Variants in RIMS2 observed in about 807,000 individuals in gnomAD.
The protein encoded by RIMS2 is regulating synaptic membrane exocytosis 2.
Under a neutral mutation model 174.4 loss-of-function variants are expected in RIMS2, and 59 were observed. That is an observed-to-expected ratio of 0.34 (90% confidence interval 0.27 to 0.42). The LOEUF (loss-of-function observed/expected upper bound fraction) is 0.42. RIMS2 is among the 10% of genes least tolerant of loss of function. The pLI is 1.00. For synonymous variants in RIMS2, 606 were observed against 572.5 expected (o/e 1.06, Z -0.84); for missense variants, 1,620 against 1,666.3 (o/e 0.97, Z 0.48).
chr8:103,652,654 GGTAAATAACGTTC>G (rs2096473036), intron 1 of RIMS2: 1 of 1,350,444 alleles, frequency 7.4e-7, no homozygotes, highest in Non-Finnish European at 9.8e-7. Context: ...TCACTGAACT[GGTAAATAACGTTC>G]TTCAGCCCCA....
chr8:103,857,361 A>T (rs757222469), intron 3 of RIMS2, among the ~76,000 whole-genome samples: 8 of 152,148 alleles, frequency 5.3e-5, no homozygotes, highest in Non-Finnish European at 8.8e-5. Context: ...TGTAATGCTC[A>T]CTTGTTTTTA....
intron 1 of RIMS2, among the ~76,000 whole-genome samples, chr8:103,687,312 AATTT>A (rs929026914): frequency 1.3e-5 from 2 of 151,730 alleles, no homozygotes; most frequent in Non-Finnish European, 1.5e-5. Flanking sequence ...TGCTGTAGGT[AATTT>A]GTGTCTTGTT....
intron 19 of RIMS2, among the ~76,000 whole-genome samples, chr8:104,105,056 T>A (rs1268370676): frequency 6.6e-6 from 1 of 152,144 alleles, no homozygotes; most frequent in Non-Finnish European, 1.5e-5. Flanking sequence ...GGGCGGTTGG[T>A]TAGGTTTTTG....
chr8:104,127,436 T>C (rs904114102), intron 19 of RIMS2, among the ~76,000 whole-genome samples: 1 of 152,108 alleles, frequency 6.6e-6, no homozygotes, highest in South Asian at 2.1e-4. Context: ...GTTCACTATA[T>C]TGGAAGAGTG....
At chr8:104,123,973 T>G (rs189254149) in intron 19 of RIMS2, among the ~76,000 whole-genome samples, 1 of 152,248 alleles carries the variant, frequency 6.6e-6, no homozygotes, top group East Asian at 1.9e-4. Context: ...AAATAAAGTA[T>G]GCCTATATGT....
At chr8:104,228,336 C>T (rs1211359798) in intron 19 of RIMS2, among the ~76,000 whole-genome samples, 2 of 152,068 alleles carry the variant, frequency 1.3e-5, no homozygotes, top group Non-Finnish European at 2.9e-5. Flanking sequence ...CCTAGCTTCA[C>T]TCTTTAAGAG....
intron 19 of RIMS2, among the ~76,000 whole-genome samples, chr8:104,244,010 C>T (rs994187506): frequency 6.6e-6 from 1 of 152,136 alleles, no homozygotes; most frequent in Non-Finnish European, 1.5e-5. Context: ...GTTTCCCTTG[C>T]TTACGAAGCT....
chr8:104,223,532 G>A, intron 19 of RIMS2: 5 of 1,420,186 alleles, frequency 3.5e-6, no homozygotes, highest in Non-Finnish European at 3.7e-6. Context: ...AGAGCCTCAG[G>A]GTCCCGTGGC....
intron 2 of RIMS2, among the ~76,000 whole-genome samples, chr8:103,754,578 G>A (rs1221281864): frequency 6.6e-6 from 1 of 152,086 alleles, no homozygotes; most frequent in Admixed American, 6.6e-5. Flanking sequence ...CTCTTTGTAG[G>A]TCTCTAAGGA....
At chr8:103,847,590 A>T (rs142203220) in intron 3 of RIMS2, among the ~76,000 whole-genome samples, 1 of 152,172 alleles carries the variant, frequency 6.6e-6, no homozygotes, top group African/African-American at 2.4e-5. Flanking sequence ...GCACTTGCTG[A>T]GGTGCTTTGG....
At chr8:103,984,735 G>A (rs961636310) in intron 16 of RIMS2, among the ~76,000 whole-genome samples, 2 of 152,152 alleles carry the variant, frequency 1.3e-5, no homozygotes, top group Non-Finnish European at 2.9e-5. Context: ...TATATCAAAG[G>A]CATATTTGCC....
chr8:103,939,958 A>G (rs184461046), intron 13 of RIMS2, among the ~76,000 whole-genome samples: 1 of 152,324 alleles, frequency 6.6e-6, no homozygotes, highest in East Asian at 1.9e-4. Context: ...TATAGCTATC[A>G]GCATTTTGGG....
chr8:104,000,890 A>G (rs2095356552), intron 17 of RIMS2, among the ~76,000 whole-genome samples: 1 of 151,826 alleles, frequency 6.6e-6, no homozygotes, highest in South Asian at 2.1e-4. Flanking sequence ...TATTTTATCC[A>G]TTTTAAAAAA....
intron 19 of RIMS2, among the ~76,000 whole-genome samples, chr8:104,146,439 T>C (rs1386926360): frequency 6.6e-6 from 1 of 152,108 alleles, no homozygotes; most frequent in African/African-American, 2.4e-5. Context: ...ATTAAAGTTG[T>C]TAGGTTGAAG....
At chr8:104,069,294 G>A (rs565892051) in intron 19 of RIMS2, among the ~76,000 whole-genome samples, 1 of 152,120 alleles carries the variant, frequency 6.6e-6, no homozygotes. Context: ...CTTACAGTGG[G>A]TTCATTGGGA....
intron 2 of RIMS2, among the ~76,000 whole-genome samples, chr8:103,764,334 T>G (rs1179002908): frequency 6.6e-6 from 1 of 152,242 alleles, no homozygotes; most frequent in East Asian, 1.9e-4. Flanking sequence ...TATCTTATAA[T>G]CATCTAGAAT....
In RIMS2 at chr8:103,696,885, A is replaced by AAAAAC. The variant is rs1554753422; in HGVS notation, c.177-201_177-200insAAAAC. On this transcript the variant is annotated intron_variant, in intron 1 of 23. Transcript: ENST00000504942. ...CTCAAAAAAAAAAAAAAAAAAAAAAAGAAGGTAGAACTAGTTGCAATACTT... is the reference window on the plus strand; with the variant it reads ...CTCAAAAAAAAAAAAAAAAAAAAAAAAAAACGAAGGTAGAACTAGTTGCAATACTT... Among the ~76,000 whole-genome samples, 428 of 136,780 alleles carry AAAAAC rather than the reference A, an allele frequency of 3.1e-3. 8 individuals carry two copies. Among genetic ancestry groups the AAAAAC allele is most frequent in the African/African-American group, 3.9e-3 (142 of 35,952 alleles). The allele number at this position is 136,780 out of a possible 152,430, so 89.7% of individuals were successfully genotyped here.
chr8:103,531,984 G>C lies in RIMS2; in HGVS notation c.176+30922G>C, dbSNP rs186428877. The stretch of plus-strand genomic sequence containing the variant: ...ATATTAAATAATTATAGTCAATTTA[G>C]GCATGAATTATATGCAATAAAGTAG... On this transcript the variant is annotated intron_variant, in intron 1 of 23. Coordinates refer to ENST00000504942, the Ensembl canonical transcript of RIMS2. Among the ~76,000 whole-genome samples the C allele has an allele frequency of 2.0e-5, 3 of 152,040 alleles. No homozygotes were observed. In the East Asian group the frequency reaches 5.8e-4, roughly 29 times the overall value.
intron 19 of RIMS2, among the ~76,000 whole-genome samples, chr8:104,172,845 C>T (rs1761356370): frequency 1.3e-5 from 2 of 152,154 alleles, no homozygotes; most frequent in African/African-American, 2.4e-5. Context: ...TAAGAAAGAA[C>T]TTTAAATGTC....
Sources: gnomAD v4.1 joint callset for allele counts (sites outside exome capture counted in the v4.1 genomes callset) on GRCh38, gnomAD v4.1.1 for gene constraint, MANE v1.5 for transcripts, NCBI Gene and HGNC (gene_info 2026-07-23, HGNC 2026-07-21) for gene names.